Variants in EPHB1 observed in about 807,000 individuals in gnomAD.
EPHB1 encodes the protein ephrin type-B receptor 1.
Under a neutral mutation model 94.4 loss-of-function variants are expected in EPHB1, and 30 were observed. The ratio of observed to expected loss-of-function variants is 0.32; its 90% CI spans 0.24 to 0.43. EPHB1 has a LOEUF of 0.43. Ranked by LOEUF, EPHB1 falls within the 20% of genes least tolerant of loss-of-function variation. The pLI is 1.00. For missense variants in EPHB1, 1,055 were observed against 1,308.3 expected (o/e 0.81, Z 2.99); for synonymous variants, 522 against 489.1 (o/e 1.07, Z -0.89).
intron 1 of EPHB1, among the ~76,000 whole-genome samples, chr3:134,826,762 G>C (rs578182546): frequency 6.6e-6 from 1 of 152,132 alleles, no homozygotes; most frequent in East Asian, 1.9e-4. Context: ...TTCTTGTCCC[G>C]TTCCCGAGGG....
At chr3:135,074,905 C>G (rs1203719276) in intron 3 of EPHB1, among the ~76,000 whole-genome samples, 1 of 152,116 alleles carries the variant, frequency 6.6e-6, no homozygotes, top group Non-Finnish European at 1.5e-5. Context: ...GGAGTGAGAC[C>G]CACAGGCCAG....
At chr3:135,057,156 C>T (rs961669553) in intron 3 of EPHB1, among the ~76,000 whole-genome samples, 2 of 152,188 alleles carry the variant, frequency 1.3e-5, no homozygotes, top group South Asian at 2.1e-4. Context: ...CAAGCCAAGG[C>T]TTCATGGTTG....
At chr3:134,913,277 G>A (rs913164207) in intron 1 of EPHB1, among the ~76,000 whole-genome samples, 1 of 152,188 alleles carries the variant, frequency 6.6e-6, no homozygotes, top group Non-Finnish European at 1.5e-5. Flanking sequence ...GGTGAGGGGG[G>A]AGCTCAGAGT....
chr3:134,873,070 C>A (rs1416570513), intron 1 of EPHB1, among the ~76,000 whole-genome samples: 1 of 152,186 alleles, frequency 6.6e-6, no homozygotes, highest in Non-Finnish European at 1.5e-5. Context: ...TTTTCTATCT[C>A]AGCATAGACT....
At position 135,259,161 on chromosome 3, in the gene EPHB1, C is replaced by T. The variant is rs1318972960; in HGVS notation, c.*41C>T. 12 of 1,513,564 alleles carry T rather than the reference C, an allele frequency of 7.9e-6. No individual in the cohort carries two copies. The African/African-American group carries it at 9.6e-5, about 12-fold the overall frequency. 93.8% of individuals were successfully genotyped at this position (1,513,564 alleles called of 1,614,324 possible). A position where few individuals can be genotyped will look rare whatever the true frequency, so the allele number is the denominator to read the frequency against. ...GGGGAAGGAGAGGAGGGAAAAGGAC[C>T]AGGGTCAAGGGGGACCAGAGGTTGA... On this transcript the variant is annotated 3_prime_UTR_variant, in exon 16 of 16. Transcript: ENST00000398015.
chr3:134,843,884 C>A (rs532723939), intron 1 of EPHB1, among the ~76,000 whole-genome samples: 1 of 152,248 alleles, frequency 6.6e-6, no homozygotes, highest in East Asian at 1.9e-4. Flanking sequence ...TATCTAATAT[C>A]TGAGGGCTCA....
At chr3:135,013,565 T>G (rs1935692182) in intron 3 of EPHB1, among the ~76,000 whole-genome samples, 1 of 152,266 alleles carries the variant, frequency 6.6e-6, no homozygotes, top group African/African-American at 2.4e-5. Flanking sequence ...ACCACTGGGC[T>G]GAGAATCCTG....
At chr3:134,846,572 T>C (rs1009323626) in intron 1 of EPHB1, among the ~76,000 whole-genome samples, 2 of 152,198 alleles carry the variant, frequency 1.3e-5, no homozygotes, top group African/African-American at 2.4e-5. Context: ...GTAAAATGGC[T>C]TTTCCCCCTT....
intron 6 of EPHB1, among the ~76,000 whole-genome samples, chr3:135,156,176 G>A (rs1195944135): frequency 6.6e-6 from 1 of 151,990 alleles, no homozygotes; most frequent in Non-Finnish European, 1.5e-5. Context: ...GTTCAGTTCA[G>A]TGTCTAAAAT....
intron 12 of EPHB1, among the ~76,000 whole-genome samples, chr3:135,210,375 G>A (rs1246105757): frequency 6.6e-6 from 1 of 152,170 alleles, no homozygotes; most frequent in South Asian, 2.1e-4. Flanking sequence ...TGGGTTTGGG[G>A]CATAGAGGAG....
intron 1 of EPHB1, among the ~76,000 whole-genome samples, chr3:134,825,336 C>G (rs544785589): frequency 2.0e-5 from 3 of 152,330 alleles, no homozygotes; most frequent in African/African-American, 7.2e-5. Flanking sequence ...TATTGTAGCT[C>G]TAATGGGATG....
intron 1 of EPHB1, among the ~76,000 whole-genome samples, chr3:134,827,143 A>G (rs996124827): frequency 1.3e-5 from 2 of 152,216 alleles, no homozygotes; most frequent in African/African-American, 4.8e-5. Context: ...CTCATGAATT[A>G]TTATGCCCAT....
intron 3 of EPHB1, among the ~76,000 whole-genome samples, chr3:135,101,302 CT>C (rs1451990671): frequency 6.6e-6 from 1 of 152,126 alleles, no homozygotes; most frequent in East Asian, 1.9e-4. Flanking sequence ...CTCCCTTTGT[CT>C]TTTCCTCTTC....
chr3:135,243,225 T>A (rs190879809), intron 13 of EPHB1, among the ~76,000 whole-genome samples: 45 of 152,316 alleles, frequency 3.0e-4, no homozygotes, highest in African/African-American at 9.6e-4. Context: ...TTCAAGATAT[T>A]TTCTGTCAAT....
chr3:135,165,726 C>T (rs1042242609), intron 7 of EPHB1, among the ~76,000 whole-genome samples: 1 of 152,230 alleles, frequency 6.6e-6, no homozygotes, highest in Non-Finnish European at 1.5e-5. Flanking sequence ...GGAATGTCAT[C>T]AGCTATAGTT....
intron 1 of EPHB1, among the ~76,000 whole-genome samples, chr3:134,860,710 G>A (rs906710499): frequency 6.6e-6 from 1 of 151,340 alleles, no homozygotes; most frequent in Non-Finnish European, 1.5e-5. Flanking sequence ...CTACTTGGGA[G>A]GCTGAGGCAG....
chr3:134,832,135 T>C (rs560315744), intron 1 of EPHB1, among the ~76,000 whole-genome samples: 1 of 152,356 alleles, frequency 6.6e-6, no homozygotes, highest in African/African-American at 2.4e-5. Flanking sequence ...TTGCATGCGG[T>C]ATTTGAGGCA....
chr3:134,882,749 C>CTTTCTTTCTTTCTTT lies in EPHB1; in HGVS notation c.59-43067_59-43066insTTTCTTTCTTTCTTT, dbSNP rs1491426824. Among the ~76,000 whole-genome samples, 4 of 38,052 alleles carry CTTTCTTTCTTTCTTT rather than the reference C, an allele frequency of 1.1e-4. 1 individual carries two copies. The highest frequency in any genetic ancestry group is 2.3e-4 in the African/African-American group (4 of 17,482). 25.0% of individuals were successfully genotyped at this position (38,052 alleles called of 152,430 possible). A position where few individuals can be genotyped will look rare whatever the true frequency, so the allele number is the denominator to read the frequency against. On this transcript the variant is annotated intron_variant, in intron 1 of 15. Coordinates refer to ENST00000398015, the MANE Select transcript of EPHB1 (RefSeq NM_004441.5). ...TTCTTTCCTTCTTTCCTTCTTTCTTCCTTTCTTCCTTCCTTCCTTTCTTTC... is the reference window on the plus strand; with the variant it reads ...TTCTTTCCTTCTTTCCTTCTTTCTTCTTTCTTTCTTTCTTTCTTTCTTCCTTCCTTCCTTTCTTTC...
chr3:134,992,860 A>G (rs1368661622), intron 3 of EPHB1, among the ~76,000 whole-genome samples: 1 of 152,088 alleles, frequency 6.6e-6, no homozygotes, highest in African/African-American at 2.4e-5. Context: ...GGGTGCTTGA[A>G]TTCCATCCCT....
Sources: allele counts gnomAD v4.1 joint callset (sites outside exome capture counted in the v4.1 genomes callset), GRCh38; gene constraint gnomAD v4.1.1; transcripts MANE v1.5; gene names NCBI Gene and HGNC (gene_info 2026-07-23, HGNC 2026-07-21).